LYPLAL1: variants seen among roughly 807,000 people sequenced by gnomAD.
The protein encoded by LYPLAL1 is lysophospholipase-like protein 1.
A neutral mutation model predicts 19.7 loss-of-function variants in LYPLAL1; 23 were observed. The observed-to-expected ratio is 1.17, with a 90% CI of 0.84 to 1.65. The LOEUF (loss-of-function observed/expected upper bound fraction) is 1.65. Among genes scored for constraint, LYPLAL1 ranks in the 40% most tolerant of loss-of-function variants. The pLI, the probability that LYPLAL1 is intolerant of heterozygous loss-of-function variation, is 0.00. For missense variants in LYPLAL1, 355 were observed against 279.4 expected, an observed-to-expected ratio of 1.27 and a Z score of -1.93; for synonymous variants, 119 against 96.3, an observed-to-expected ratio of 1.24 and a Z score of -1.38.
the LYPLAL1 span, chr1:219,273,470 AG>A: frequency 6.6e-6 from 1 of 152,214 alleles, no homozygotes; most frequent in East Asian, 1.9e-4. Flanking sequence ...TGTTTTTCTT[AG>A]GCACCTAATG....
chr1:219,333,030 C>A, the LYPLAL1 span, among the ~76,000 whole-genome samples: 1 of 152,036 alleles, frequency 6.6e-6, no homozygotes, highest in Non-Finnish European at 1.5e-5. Flanking sequence ...TGACTCTCTT[C>A]TTTCATCTTC....
chr1:219,309,978 G>A, the LYPLAL1 span, among the ~76,000 whole-genome samples: 1 of 152,178 alleles, frequency 6.6e-6, no homozygotes, highest in Non-Finnish European at 1.5e-5. Context: ...CATTGACACT[G>A]AACTGGTTAC....
the LYPLAL1 span, among the ~76,000 whole-genome samples, chr1:219,230,956 T>C: frequency 6.6e-6 from 1 of 152,232 alleles, no homozygotes; most frequent in Non-Finnish European, 1.5e-5. Flanking sequence ...GGCATTGTTC[T>C]GATTCAGAAG....
At chr1:219,342,533 T>TCGTGGTTTC in the LYPLAL1 span, among the ~76,000 whole-genome samples, 544 of 152,260 alleles carry the variant, frequency 3.6e-3, 1 homozygote, top group South Asian at 0.015. Context: ...CCCAGGAGTC[T>TCGTGGTTTC]CGTGGTTTCC....
At chr1:219,388,146 T>C in the LYPLAL1 span, among the ~76,000 whole-genome samples, 6 of 152,216 alleles carry the variant, frequency 3.9e-5, no homozygotes, top group Non-Finnish European at 7.3e-5. Flanking sequence ...GCTCATGCCC[T>C]GCACATAGCA....
downstream of LYPLAL1, among the ~76,000 whole-genome samples, chr1:219,216,120 A>G (rs952995396): frequency 6.6e-6 from 1 of 151,804 alleles, no homozygotes; most frequent in Non-Finnish European, 1.5e-5. Flanking sequence ...GTTCATCTCT[A>G]GTTTTTTTAT....
the LYPLAL1 span, among the ~76,000 whole-genome samples, chr1:219,259,244 AC>A: frequency 6.6e-6 from 1 of 152,110 alleles, no homozygotes; most frequent in East Asian, 1.9e-4. Flanking sequence ...ACCATTTGAT[AC>A]AGCAATCCTA....
the LYPLAL1 span, among the ~76,000 whole-genome samples, chr1:219,310,608 A>G: frequency 1.3e-5 from 2 of 152,214 alleles, no homozygotes; most frequent in Non-Finnish European, 2.9e-5. Flanking sequence ...TGTGACTCAG[A>G]TCAACTAAAA....
chr1:219,392,279 G>A, the LYPLAL1 span, among the ~76,000 whole-genome samples: 4 of 152,156 alleles, frequency 2.6e-5, no homozygotes, highest in African/African-American at 9.7e-5. Context: ...AGGAACTAAT[G>A]AGTCACTGGC....
chr1:219,288,147 C>T, the LYPLAL1 span, among the ~76,000 whole-genome samples: 1 of 152,074 alleles, frequency 6.6e-6, no homozygotes, highest in Non-Finnish European at 1.5e-5. Flanking sequence ...AATTTGTATC[C>T]ACATGGAAAC....
chr1:219,437,299 T>G, the LYPLAL1 span: 94 of 152,482 alleles, frequency 6.2e-4, no homozygotes, highest in African/African-American at 2.1e-3. Context: ...TCTTTCCATG[T>G]TCTGCCCATC....
chr1:219,276,594 G>A, the LYPLAL1 span, among the ~76,000 whole-genome samples: 1 of 152,088 alleles, frequency 6.6e-6, no homozygotes, highest in African/African-American at 2.4e-5. Flanking sequence ...TTTGCCCCTG[G>A]GGGTGGGCCA....
the LYPLAL1 span, among the ~76,000 whole-genome samples, chr1:219,439,122 C>G: frequency 6.6e-6 from 1 of 152,124 alleles, no homozygotes. Context: ...CACTCCATTC[C>G]TACCTATCCC....
the LYPLAL1 span, among the ~76,000 whole-genome samples, chr1:219,439,403 GT>G: frequency 5.3e-4 from 80 of 152,236 alleles, no homozygotes; most frequent in Middle Eastern, 3.4e-3. Flanking sequence ...AATCACTCCA[GT>G]TCAAATCCTG....
At chr1:219,338,621 A>AC in the LYPLAL1 span, among the ~76,000 whole-genome samples, 1 of 151,614 alleles carries the variant, frequency 6.6e-6, no homozygotes, top group Admixed American at 6.6e-5. Flanking sequence ...CAAAAAAAAA[A>AC]CAAAAACAGA....
At position 219,186,107 on chromosome 1, in the gene LYPLAL1, T is replaced by C. The variant is rs2125045791; in HGVS notation, c.191+6861T>C. Among the ~76,000 whole-genome samples, 3 of 151,958 alleles carry C rather than the reference T, an allele frequency of 2.0e-5. No individual in the cohort carries two copies. In the South Asian group the frequency reaches 6.2e-4, roughly 31 times the overall value. The stretch of plus-strand genomic sequence containing the variant: ...TAAGTTCTGGGTCCTAAATAACCCA[T>C]GAGTTATTTAGAAACATGTTGTTTC... On this transcript the variant is annotated intron_variant, in intron 2 of 4. Transcript: ENST00000366928.
At chr1:219,315,323 C>T in the LYPLAL1 span, among the ~76,000 whole-genome samples, 1 of 151,996 alleles carries the variant, frequency 6.6e-6, no homozygotes, top group Non-Finnish European at 1.5e-5. Flanking sequence ...GGACTTTTGA[C>T]TGATTAGGCA....
intron 2 of LYPLAL1, among the ~76,000 whole-genome samples, chr1:219,190,777 A>G (rs900747760): frequency 6.6e-6 from 1 of 151,662 alleles, no homozygotes; most frequent in African/African-American, 2.4e-5. Flanking sequence ...AAATGACAAT[A>G]GGAAAAAATA....
the LYPLAL1 span, among the ~76,000 whole-genome samples, chr1:219,256,407 C>A: frequency 6.6e-6 from 1 of 151,212 alleles, no homozygotes; most frequent in East Asian, 2.0e-4. Context: ...TCCCTTTTTC[C>A]AGAAGGCTAA....
Sources: gnomAD v4.1 joint callset for allele counts (sites outside exome capture counted in the v4.1 genomes callset) on GRCh38, gnomAD v4.1.1 for gene constraint, MANE v1.5 for transcripts, NCBI Gene and HGNC (gene_info 2026-07-23, HGNC 2026-07-21) for gene names.